FLII: variants seen among roughly 807,000 people sequenced by gnomAD.
FLII encodes the protein FLII actin remodeling protein.
Under a neutral mutation model 156.2 loss-of-function variants are expected in FLII, and 101 were observed. The ratio of observed to expected loss-of-function variants is 0.65; its 90% CI spans 0.55 to 0.76. FLII has a LOEUF of 0.76. FLII is among the 30% of genes least tolerant of loss of function. The pLI, the probability that FLII is intolerant of heterozygous loss-of-function variation, is 0.00. For synonymous variants in FLII, 767 were observed against 685.8 expected, an observed-to-expected ratio of 1.12 and a Z score of -1.85; for missense variants, 1,675 against 1,682.8, an observed-to-expected ratio of 1.00 and a Z score of 0.08.
intron 16 of FLII, 45 bp downstream of exon 16, chr17:18,249,082 G>A (rs576560512): frequency 6.4e-7 from 1 of 1,559,186 alleles, no homozygotes; most frequent in East Asian, 2.2e-5. Context: ...TGGTGGGGAG[G>A]AGGCTGAGGA....
Position 18,247,944 on chromosome 17 carries a change from C to T in FLII, c.2280G>A (p.Met760Ile), listed in dbSNP as rs916359342. 8.7e-6 allele frequency: 14 copies of T among 1,614,042 alleles called. No individual in the cohort carries two copies. The East Asian group carries it at 1.6e-4, about 18-fold the overall frequency. Residue 760 changes from methionine to isoleucine, a missense_variant, in exon 19 of 30, where the codon ATG becomes ATA. By Grantham distance (10) the Met-to-Ile change is conservative. Coordinates refer to ENST00000327031, the MANE Select transcript of FLII (RefSeq NM_002018.4). ...EHKQRPKVEL[M>I]PRMRLLQSLL... ...CATCTCTTACCAGCCGCATTCTTGG[C>T]ATCAGCTCCACCTTGGGACGCTGCT...
Position 18,245,372 on chromosome 17 carries a change from C to T in FLII, c.3657G>A (p.Leu1219=). 6.2e-7 allele frequency: 1 copy of T among 1,614,236 alleles called. No homozygotes were observed. The change falls in exon 29 of 30, where the codon CTG becomes CTA. Residue 1219 remains leucine, a synonymous_variant. Transcript: ENST00000327031. Reference sequence around the variant, plus strand: ...AGATTACCTGGCAGGCCTTCAGGCTCAGCTTGATCTCCACCTGGCTAGTCT... The same window carrying T: ...AGATTACCTGGCAGGCCTTCAGGCTTAGCTTGATCTCCACCTGGCTAGTCT... ...GTQTSQVEIK[L]SLKACQVYIQ...
At position 18,246,328 on chromosome 17, in the gene FLII, G is replaced by A. The variant is rs201437083; in HGVS notation, c.3186C>T (p.Asn1062=). The change falls in exon 24 of 30, where the codon AAC becomes AAT. Residue 1062 remains asparagine (N), a synonymous_variant. Coordinates refer to ENST00000327031, the MANE Select transcript of FLII (RefSeq NM_002018.4). The stretch of plus-strand genomic sequence containing the variant: ...GGCACCGGGTGCAGAGGGCGCTGCC[G>A]TTGGTGCGGATCTGGTAGAGGCTGG... ...QQPSLYQIRT[N]GSALCTRCIQ... The A allele has an allele frequency of 8.8e-5, 142 of 1,613,842 alleles. No homozygotes were observed. The highest frequency in any genetic ancestry group is 1.1e-4 in the Non-Finnish European group (130 of 1,180,008).
At position 18,253,734 on chromosome 17, in the gene FLII, G is replaced by T. The variant is rs1312200151; in HGVS notation, c.680-15C>A. On this transcript the variant is annotated splice_polypyrimidine_tract_variant and intron_variant, in intron 7 of 29. Coordinates refer to ENST00000327031, the MANE Select transcript of FLII (RefSeq NM_002018.4). ...CAGATCCACGTCTGGGGTGCAGGGTGGGGTGCATCAGCTGGGGCCCATACA... is the reference window on the plus strand; with the variant it reads ...CAGATCCACGTCTGGGGTGCAGGGTTGGGTGCATCAGCTGGGGCCCATACA... 1 of 1,590,046 alleles carries T rather than the reference G, an allele frequency of 6.3e-7. No individual in the cohort carries two copies. The highest frequency in any genetic ancestry group is 1.3e-5 in the African/African-American group (1 of 74,514).
At position 18,248,002 on chromosome 17, in the gene FLII, G is replaced by A; in HGVS notation, c.2222C>T (p.Pro741Leu). The change falls in exon 19 of 30, where the codon CCA becomes CTA. Residue 741 changes from proline (P) to leucine (L), a missense_variant. Pro to Leu is a moderately conservative substitution (Grantham distance 98). Coordinates refer to ENST00000327031, the MANE Select transcript of FLII (RefSeq NM_002018.4). ...CACGGAGAGCTTGTAGTTGATCTGTGGCAGCTCCAGGTAGCCCAAGCCCAG... is the reference window on the plus strand; with the variant it reads ...CACGGAGAGCTTGTAGTTGATCTGTAGCAGCTCCAGGTAGCCCAAGCCCAG... ...VGLGLGYLEL[P>L]QINYKLSVEH... 6.2e-7 allele frequency: 1 copy of A among 1,613,970 alleles called. No homozygotes were observed. Among genetic ancestry groups the A allele is most frequent in the Non-Finnish European group, 8.5e-7 (1 of 1,179,914 alleles).
chr17:18,247,423 G>T, intron 20 of FLII, 66 bp from the exon 21 acceptor site: 1 of 1,450,000 alleles, frequency 6.9e-7, no homozygotes, highest in South Asian at 1.3e-5. Flanking sequence ...GAAGTAGCCC[G>T]AGGCTTGAGG....
chr17:18,255,150 G>C (rs2048377912), intron 4 of FLII, 33 bp downstream of exon 4: 12 of 1,528,458 alleles, frequency 7.9e-6, no homozygotes, highest in Non-Finnish European at 1.1e-5. Context: ...GGTCCGGCTA[G>C]CACAGGGGCC....
intron 15 of FLII, 47 bp downstream of exon 15, chr17:18,249,279 G>T: frequency 6.2e-7 from 1 of 1,608,276 alleles, no homozygotes; most frequent in Non-Finnish European, 8.5e-7. Flanking sequence ...TCCACCCCTT[G>T]CCAGCAGACT....
chr17:18,248,451 G>T, intron 18 of FLII, 99 bp downstream of exon 18: 2 of 1,186,334 alleles, frequency 1.7e-6, no homozygotes, highest in Admixed American at 2.5e-5. Context: ...CACCAAAGTC[G>T]AGATGGAGCC....
At position 18,251,336 on chromosome 17, in the gene FLII, A is replaced by G; in HGVS notation, c.1525T>C (p.Phe509Leu). ...GCTTCCTCCACCAGCACAGGCACGA[A>G]GTTCTCTATCTGCCAGATGGTCAGT... The part of the protein sequence containing the change: ...PGLTIWQIEN[F>L]VPVLVEEAFH... The change falls in exon 13 of 30, where the codon TTC becomes CTC. Residue 509 changes from phenylalanine (F) to leucine (L), a missense_variant. By Grantham distance (22) the Phe-to-Leu change is conservative. Around this residue, in one of 2 missense-constraint regions of FLII, gnomAD observed 1,332 missense variants for 1,269.3 expected, o/e 1.05. Coordinates refer to ENST00000327031, the MANE Select transcript of FLII (RefSeq NM_002018.4). The G allele has an allele frequency of 6.2e-7, 1 of 1,613,906 alleles. No individual in the cohort carries two copies.
chr17:18,247,450 T>C, intron 20 of FLII, 93 bp from the exon 21 acceptor site: 4 of 1,296,644 alleles, frequency 3.1e-6, no homozygotes, highest in African/African-American at 1.5e-5. Context: ...CCAAGGGAGA[T>C]CTAGGGCGGG....
At chr17:18,256,741 G>A (rs746336967) in intron 2 of FLII, 144 bp from the exon 3 acceptor site, 35 of 817,942 alleles carry the variant, frequency 4.3e-5, no homozygotes, top group Admixed American at 1.9e-4. Flanking sequence ...TCACTCACCC[G>A]GCCTCTTCTT....
Position 18,246,199 on chromosome 17 carries a change from G to T in FLII, c.3230C>A (p.Ser1077Tyr). ...CTRCIQINTD[S>Y]SLLNSEFCFI... is the part of the protein sequence containing the mutation. ...GCAGAACTCGGAGTTGAGGAGGCTG[G>T]AGTCGGTGTTGATCTGGATGCACCT... The change falls in exon 25 of 30, where the codon TCC becomes TAC. Residue 1077 changes from serine (S) to tyrosine (Y), a missense_variant. Around this residue, in one of 2 missense-constraint regions of FLII, gnomAD observed 1,332 missense variants for 1,269.3 expected, o/e 1.05. Coordinates refer to ENST00000327031, the MANE Select transcript of FLII (RefSeq NM_002018.4). 6.2e-7 allele frequency: 1 copy of T among 1,614,164 alleles called. No individual in the cohort carries two copies. Among genetic ancestry groups the T allele is most frequent in the Non-Finnish European group, 8.5e-7 (1 of 1,180,026 alleles).
At chr17:18,253,007 G>A (rs1036606803) in intron 9 of FLII, among the ~76,000 whole-genome samples, 3 of 152,174 alleles carry the variant, frequency 2.0e-5, no homozygotes, top group Non-Finnish European at 2.9e-5. Context: ...AAAAAGAGCC[G>A]GGCGTGGTAG....
chr17:18,252,938 G>T (rs1218865968), intron 9 of FLII, among the ~76,000 whole-genome samples: 1 of 151,982 alleles, frequency 6.6e-6, no homozygotes, highest in Non-Finnish European at 1.5e-5. Flanking sequence ...ATCATTTGAG[G>T]ACAGGCATTC....
chr17:18,252,469 G>C lies in FLII; in HGVS notation c.1098+3C>G, dbSNP rs759541043. On this transcript the variant is annotated splice_donor_region_variant and intron_variant, in intron 10 of 29. Coordinates refer to ENST00000327031, the MANE Select transcript of FLII (RefSeq NM_002018.4). ...GAGCCCTCTCAAACCCAGCATGCCT[G>C]ACCTCGATCTCCGTCAGGAAATGGA... 1.2e-6 allele frequency: 2 copies of C among 1,613,270 alleles called. No individual in the cohort carries two copies. The highest frequency in any genetic ancestry group is 1.1e-5 in the South Asian group (1 of 91,084).
chr17:18,258,564 C>T lies in FLII; in HGVS notation c.63+64G>A. On this transcript the variant is annotated intron_variant, in intron 1 of 29. Coordinates refer to ENST00000327031, the MANE Select transcript of FLII (RefSeq NM_002018.4). The surrounding 1 kb of genome is among the most constrained non-coding windows in gnomAD (Gnocchi z 4.2). ...AGCCGAGCGGGACAGGAAGCGGAGG[C>T]CAAGCGGGCCGGGCGGAAGAGAAGG... 2 of 1,522,674 alleles carry T rather than the reference C, an allele frequency of 1.3e-6. No homozygotes were observed. Among genetic ancestry groups the T allele is most frequent in the Non-Finnish European group, 1.8e-6 (2 of 1,142,460 alleles). The allele number at this position is 1,522,674 out of a possible 1,614,324, so 94.3% of individuals were successfully genotyped here. A position where few individuals can be genotyped will look rare whatever the true frequency, so the allele number is the denominator to read the frequency against.
Position 18,252,163 on chromosome 17 carries a change from G to A in FLII, c.1099-17C>T. ...ATCCAGGACCTGCCCCATAGGGTGA[G>A]CAGAGCCGGCACTGAGCCTGGGTCC... On this transcript the variant is annotated splice_polypyrimidine_tract_variant and intron_variant, in intron 10 of 29. Transcript: ENST00000327031. 1 of 1,608,974 alleles carries A rather than the reference G, an allele frequency of 6.2e-7. No homozygotes were observed. The highest frequency in any genetic ancestry group is 2.2e-5 in the East Asian group (1 of 44,850).
rs2048073861 is a variant in FLII, at chr17:18,246,767, C to T, written c.2878G>A (p.Glu960Lys). ...GTTGCTTCCTCGCCTTCTTTGCCCT[C>T]GGCCTTCTCCTCCTTGTCTTCCTTC... ...EKKEDKEEKA[E>K]GKEGEEATAE... Residue 960 changes from glutamate to lysine, a missense_variant, in exon 23 of 30, where the codon GAG becomes AAG. Glu to Lys is a moderately conservative substitution (Grantham distance 56). Coordinates refer to ENST00000327031, the MANE Select transcript of FLII (RefSeq NM_002018.4). 4 of 1,613,950 alleles carry T rather than the reference C, an allele frequency of 2.5e-6. No homozygotes were observed. The highest frequency in any genetic ancestry group is 3.4e-6 in the Non-Finnish European group (4 of 1,179,932).
Sources: gnomAD v4.1 joint callset for allele counts (sites outside exome capture counted in the v4.1 genomes callset) on GRCh38, gnomAD v4.1.1 for gene constraint, gnomAD v4.1.1 regional missense constraint, Gnocchi (gnomAD v3.1) non-coding constraint, MANE v1.5 for transcripts, NCBI Gene and HGNC (gene_info 2026-07-23, HGNC 2026-07-21) for gene names.